The following PHF8 variants were observed in gnomAD, a reference collection of about 807,000 sequenced individuals.
PHF8 encodes the protein PHD finger protein 8.
In PHF8, 9 loss-of-function variants were observed where a neutral mutation model predicts 74.4. That is an observed-to-expected ratio of 0.12 (90% CI 0.07 to 0.21). The LOEUF (loss-of-function observed/expected upper bound fraction) is 0.21, where lower values mean the gene tolerates loss of function less well. Among genes scored for constraint, PHF8 ranks in the 10% least tolerant of loss-of-function variants. PHF8 has a pLI of 1.00. For missense variants in PHF8, 478 were observed against 816.6 expected (o/e 0.59, Z 5.05); for synonymous variants, 311 against 316.6 (o/e 0.98, Z 0.19).
chrX:54,032,613 CTACTT>C (rs1557112874), intron 2 of PHF8, among the ~76,000 whole-genome samples: 2 of 111,186 alleles, frequency 1.8e-5, no homozygotes, highest in African/African-American at 3.3e-5. Flanking sequence ...CCTGCTCACC[CTACTT>C]TACTTTTCTC....
rs781956654 is a variant in PHF8, at chrX:53,940,183, G to C, written c.2983C>G (p.Gln995Glu). The C allele has an allele frequency of 1.7e-6, 2 of 1,172,135 alleles. No individual in the cohort carries two copies. Among genetic ancestry groups the C allele is most frequent in the South Asian group, 3.8e-5 (2 of 53,216 alleles). ...SVGSQSNQAGQGKRPKKGLAT... is the reference protein window; with the variant it reads ...SVGSQSNQAGEGKRPKKGLAT... The stretch of plus-strand genomic sequence containing the variant: ...TACAACCATATGGCCGTTGTACCTT[G>C]TCCTGCCTGATTGCTCTGGGAGCCA... The change falls in exon 21 of 22, where the codon CAA becomes GAA. Residue 995 changes from glutamine to glutamate, a missense_variant. Physicochemically the swap from Gln to Glu is conservative, Grantham distance 29 (BLOSUM62 2). Around this residue, in one of 9 missense-constraint regions of PHF8, gnomAD observed 75 missense variants for 93.3 expected, o/e 0.80. Coordinates refer to ENST00000338154, the MANE Select transcript of PHF8 (RefSeq NM_015107.3).
chrX:54,043,072 T>C, intron 1 of PHF8: 1 of 470,692 alleles, frequency 2.1e-6, no homozygotes, highest in Non-Finnish European at 3.0e-6. Context: ...TTCGGCCCCG[T>C]TGTCAGTGAT....
intron 18 of PHF8, among the ~76,000 whole-genome samples, chrX:53,977,206 G>A (rs1182669782): frequency 1.8e-5 from 2 of 111,120 alleles, no homozygotes; most frequent in African/African-American, 6.5e-5. Context: ...ATGGTGGCAC[G>A]CACCTATAGT....
At chrX:53,995,191 T>C (rs928351528) in intron 12 of PHF8, 3 of 340,673 alleles carry the variant, frequency 8.8e-6, no homozygotes, top group Non-Finnish European at 1.8e-5. Context: ...TGTAATCATC[T>C]TCACCCCGAG....
intron 19 of PHF8, among the ~76,000 whole-genome samples, chrX:53,948,524 C>T (rs782707914): frequency 1.8e-5 from 2 of 110,629 alleles, no homozygotes; most frequent in Non-Finnish European, 3.8e-5. Flanking sequence ...CCACCTGCCT[C>T]GGTGTCCCAA....
chrX:54,044,249 G>A lies in PHF8; in HGVS notation c.-580C>T, dbSNP rs1439237303. On this transcript the variant is annotated 5_prime_UTR_variant, in exon 1 of 22. Transcript: ENST00000338154. ...CGAGCAAACCAACGGGGAAAGAGAT[G>A]AACCGGCCGCCACGTCCGAGGCACA... 5 of 754,292 alleles carry A rather than the reference G, an allele frequency of 6.6e-6. No homozygotes were observed. The highest frequency in any genetic ancestry group is 2.3e-5 in the African/African-American group (1 of 43,814). The allele number at this position is 754,292 out of a possible 1,213,427, so 62.2% of individuals were successfully genotyped here.
chrX:54,036,102 C>CAAAAAAAA (rs1159910510), intron 2 of PHF8, among the ~76,000 whole-genome samples: 1 of 26,212 alleles, frequency 3.8e-5, no homozygotes, highest in African/African-American at 1.3e-4. Context: ...AACTCCATCT[C>CAAAAAAAA]AAAAAAAAAA....
intron 18 of PHF8, among the ~76,000 whole-genome samples, chrX:53,968,636 C>T (rs782042385): frequency 1.5e-4 from 17 of 112,675 alleles, no homozygotes; most frequent in African/African-American, 4.2e-4. Context: ...TCGCCGGGCA[C>T]GGTGGCTCAC....
At chrX:53,963,506 C>A (rs899691040) in intron 18 of PHF8, among the ~76,000 whole-genome samples, 1 of 111,602 alleles carries the variant, frequency 9.0e-6, no homozygotes, top group African/African-American at 3.3e-5. Flanking sequence ...ATACTTAATG[C>A]ACACAAAGGG....
Position 53,995,873 on chromosome X carries a change from G to C in PHF8, c.1234-91C>G, listed in dbSNP as rs1423052828. On this transcript the variant is annotated intron_variant, in intron 11 of 21. Transcript: ENST00000338154. The stretch of plus-strand genomic sequence containing the variant: ...GCCAAGGCAATTCAATGGAGAAAGA[G>C]TAGTCTTTTCAACAAATGATTCTGG... 6 of 488,200 alleles carry C rather than the reference G, an allele frequency of 1.2e-5. No individual in the cohort carries two copies. In the East Asian group the frequency reaches 2.2e-4, roughly 18 times the overall value. 40.2% of individuals were successfully genotyped at this position (488,200 alleles called of 1,213,427 possible).
Position 53,938,751 on chromosome X carries a change from G to A in PHF8, c.*407C>T. On this transcript the variant is annotated 3_prime_UTR_variant, in exon 22 of 22. Transcript: ENST00000338154. ...GGGCAGGCTTCTGGATATAGGGCTAGAGTTGCAGAAAGTGTCAAGCACTGG... is the reference window on the plus strand; with the variant it reads ...GGGCAGGCTTCTGGATATAGGGCTAAAGTTGCAGAAAGTGTCAAGCACTGG... 2 of 770,343 alleles carry A rather than the reference G, an allele frequency of 2.6e-6. No individual in the cohort carries two copies. Among genetic ancestry groups the A allele is most frequent in the Non-Finnish European group, 3.1e-6 (2 of 650,082 alleles). 63.5% of individuals were successfully genotyped at this position (770,343 alleles called of 1,213,427 possible). A position where few individuals can be genotyped will look rare whatever the true frequency, so the allele number is the denominator to read the frequency against.
At chrX:54,035,450 A>G (rs1441270181) in intron 2 of PHF8, among the ~76,000 whole-genome samples, 1 of 110,952 alleles carries the variant, frequency 9.0e-6, no homozygotes, top group Admixed American at 9.6e-5. Context: ...TTATATGTAT[A>G]ATGTAATACC....
At chrX:54,048,538 G>A (rs781825566), upstream of PHF8, among the ~76,000 whole-genome samples, 1 of 112,185 alleles carries the variant, frequency 8.9e-6, no homozygotes, top group South Asian at 3.7e-4. Flanking sequence ...TTGAGAGGTG[G>A]GGAGTGGACA....
chrX:53,976,652 G>A (rs1335938526), intron 18 of PHF8, among the ~76,000 whole-genome samples: 2 of 105,557 alleles, frequency 1.9e-5, no homozygotes, highest in Non-Finnish European at 3.9e-5. Context: ...ACAGCCAGTG[G>A]CATGCACCTG....
intron 8 of PHF8, among the ~76,000 whole-genome samples, chrX:54,008,461 G>A (rs1287204299): frequency 9.1e-6 from 1 of 109,874 alleles, no homozygotes; most frequent in South Asian, 3.9e-4. Context: ...GGCCTAGGTG[G>A]GTGGATCACC....
At chrX:54,004,514 A>G (rs1420656557) in intron 8 of PHF8, among the ~76,000 whole-genome samples, 1 of 112,387 alleles carries the variant, frequency 8.9e-6, no homozygotes, top group Non-Finnish European at 1.9e-5. Flanking sequence ...AGAAATCATC[A>G]TAAGAAATCA....
At chrX:53,942,192 C>A (rs1251711022) in intron 20 of PHF8, among the ~76,000 whole-genome samples, 1 of 111,833 alleles carries the variant, frequency 8.9e-6, no homozygotes, top group Non-Finnish European at 1.9e-5. Context: ...CCTGGCCTGA[C>A]ATTCATGATC....
At chrX:53,981,237 A>C (rs2065475387) in intron 18 of PHF8, among the ~76,000 whole-genome samples, 1 of 112,154 alleles carries the variant, frequency 8.9e-6, no homozygotes, top group African/African-American at 3.2e-5. Context: ...AAACAACAAC[A>C]AAAAGACAAA....
intron 11 of PHF8, among the ~76,000 whole-genome samples, chrX:53,998,463 T>TA (rs782297228): frequency 1.8e-5 from 2 of 109,119 alleles, no homozygotes; most frequent in East Asian, 2.8e-4. Flanking sequence ...CATAAATAAA[T>TA]AAATAAAATA....
Sources: gnomAD v4.1 joint callset for allele counts (sites outside exome capture counted in the v4.1 genomes callset) on GRCh38, gnomAD v4.1.1 for gene constraint, gnomAD v4.1.1 regional missense constraint, MANE v1.5 for transcripts, NCBI Gene and HGNC (gene_info 2026-07-23, HGNC 2026-07-21) for gene names.